The following METAP2 variants were observed in gnomAD, a reference collection of about 807,000 sequenced individuals.
METAP2 encodes methionine aminopeptidase 2.
Under a neutral mutation model 59.4 loss-of-function variants are expected in METAP2, and 25 were observed. The ratio of observed to expected loss-of-function variants is 0.42; its 90% CI spans 0.31 to 0.59. The LOEUF is 0.59. Ranked by LOEUF, METAP2 falls within the 20% of genes least tolerant of loss-of-function variation. The pLI is 0.16. For synonymous variants in METAP2, 214 were observed against 194.1 expected, an observed-to-expected ratio of 1.10 and a Z score of -0.85; for missense variants, 366 against 581.2, an observed-to-expected ratio of 0.63 and a Z score of 3.81.
chr12:95,487,723 G>A (rs972861307), intron 4 of METAP2, among the ~76,000 whole-genome samples: 3 of 151,466 alleles, frequency 2.0e-5, no homozygotes, highest in African/African-American at 7.3e-5. Context: ...GTAAGGGAAT[G>A]TTTGATCATT....
At chr12:95,492,496 G>C (rs1001461848) in intron 4 of METAP2, among the ~76,000 whole-genome samples, 1 of 151,582 alleles carries the variant, frequency 6.6e-6, no homozygotes. Flanking sequence ...ATCTGAACTC[G>C]AGACTTTGAG....
chr12:95,477,824 A>G (rs1360158148), intron 2 of METAP2, among the ~76,000 whole-genome samples: 2 of 152,214 alleles, frequency 1.3e-5, no homozygotes, highest in Non-Finnish European at 2.9e-5. Flanking sequence ...ATTTGGTGGA[A>G]AAAAGTGCCA....
chr12:95,513,517 A>G (rs568670380), intron 10 of METAP2, 135 bp from the exon 11 acceptor site: 4 of 968,340 alleles, frequency 4.1e-6, no homozygotes, highest in African/African-American at 1.6e-5. Context: ...CTGGCTTTTG[A>G]TTGTTGAAAG....
At chr12:95,483,128 T>G in intron 2 of METAP2, 87 bp from the exon 3 acceptor site, 1 of 950,366 alleles carries the variant, frequency 1.1e-6, no homozygotes. Flanking sequence ...ATTTATTGAA[T>G]AGAGCAAATA....
At chr12:95,511,869 T>G (rs1383778425) in intron 8 of METAP2, 26 bp from the exon 9 acceptor site, 1 of 1,535,692 alleles carries the variant, frequency 6.5e-7, no homozygotes, top group Admixed American at 1.7e-5. Context: ...CCTGAATGAC[T>G]TTTATTTCCC....
intron 2 of METAP2, among the ~76,000 whole-genome samples, chr12:95,478,380 C>T (rs1266918910): frequency 6.6e-6 from 1 of 152,138 alleles, no homozygotes; most frequent in Admixed American, 6.5e-5. Flanking sequence ...CCTGTAATCC[C>T]AGCATTTTGG....
chr12:95,506,843 C>T (rs1459123466), intron 8 of METAP2, among the ~76,000 whole-genome samples: 1 of 130,018 alleles, frequency 7.7e-6, no homozygotes, highest in East Asian at 2.2e-4. Flanking sequence ...CAGAGTCTTA[C>T]TCGTTCTGTC....
At position 95,474,246 on chromosome 12, in the gene METAP2, A is replaced by C. The variant is rs765862206; in HGVS notation, c.67A>C (p.Arg23=). ...GAATGGCGACCTGGATCCAGACGACAGGGAAGAAGGAGCTGCCTCTACGGC... is the reference window on the plus strand; with the variant it reads ...GAATGGCGACCTGGATCCAGACGACCGGGAAGAAGGAGCTGCCTCTACGGC... ...HLNGDLDPDD[R]EEGAASTAEE... Residue 23 remains arginine (R), a synonymous_variant, in exon 1 of 11, where the codon AGG becomes CGG. Transcript: ENST00000323666. The C allele has an allele frequency of 3.1e-6, 5 of 1,614,264 alleles. No homozygotes were observed. In the East Asian group the frequency reaches 1.1e-4, roughly 36 times the overall value.
At chr12:95,512,950 A>G (rs2076414413) in intron 10 of METAP2, 34 bp downstream of exon 10, 1 of 1,227,370 alleles carries the variant, frequency 8.1e-7, no homozygotes, top group African/African-American at 1.5e-5. Context: ...TATGTGGCTA[A>G]TTAGCATCTC....
chr12:95,489,729 T>C (rs547357874), intron 4 of METAP2, among the ~76,000 whole-genome samples: 2 of 152,346 alleles, frequency 1.3e-5, no homozygotes, highest in East Asian at 1.9e-4. Flanking sequence ...TCCCAGCTAC[T>C]TGGGAGGCTG....
intron 3 of METAP2, among the ~76,000 whole-genome samples, chr12:95,484,273 A>G (rs2076180047): frequency 6.6e-6 from 1 of 152,016 alleles, no homozygotes; most frequent in Admixed American, 6.6e-5. Flanking sequence ...GGCGTCCATC[A>G]TTACTAGATC....
intron 8 of METAP2, among the ~76,000 whole-genome samples, chr12:95,506,728 G>A (rs779166601): frequency 2.0e-5 from 3 of 151,920 alleles, no homozygotes. Flanking sequence ...TAACTTCTTT[G>A]TTATTTGATT....
chr12:95,501,937 A>T (rs2076319296), intron 7 of METAP2, among the ~76,000 whole-genome samples: 1 of 151,464 alleles, frequency 6.6e-6, no homozygotes, highest in African/African-American at 2.4e-5. Flanking sequence ...AGTAGTAATG[A>T]ACTCCATCAG....
chr12:95,512,740 A>G, intron 9 of METAP2, 61 bp from the exon 10 acceptor site: 1 of 872,532 alleles, frequency 1.1e-6, no homozygotes, highest in Non-Finnish European at 1.9e-6. Flanking sequence ...GAGAGATGGT[A>G]ATTGTGATTC....
intron 3 of METAP2, chr12:95,484,813 A>C (rs1423541516): frequency 2.2e-6 from 1 of 446,138 alleles, no homozygotes; most frequent in Admixed American, 2.4e-5. Context: ...ATTTTTTTTT[A>C]ATGTTGGCTA....
intron 2 of METAP2, among the ~76,000 whole-genome samples, chr12:95,476,530 GA>G (rs1257140758): frequency 3.3e-5 from 5 of 151,632 alleles, no homozygotes; most frequent in Admixed American, 2.0e-4. Flanking sequence ...AAGAAAGAAA[GA>G]AAGAAAGAAA....
chr12:95,511,977 AG>A lies in METAP2; in HGVS notation c.1051del (p.Glu351ArgfsTer34). On this transcript the variant is annotated frameshift_variant, in exon 9 of 11. Transcript: ENST00000323666. LOFTEE classifies it high-confidence loss of function. Reference sequence around the variant, plus strand: ...GAAAAACAGTGCCGATTGTGAAAGGAGGGGAGGCAACAAGAATGGAGGTATG... The same window carrying A: ...GAAAAACAGTGCCGATTGTGAAAGGAGGGAGGCAACAAGAATGGAGGTATG... ...AGKTVPIVKG[G>X]EATRMEEGEV... The A allele has an allele frequency of 6.2e-7, 1 of 1,612,608 alleles. No homozygotes were observed. Among genetic ancestry groups the A allele is most frequent in the Non-Finnish European group, 8.5e-7 (1 of 1,178,846 alleles).
intron 8 of METAP2, among the ~76,000 whole-genome samples, chr12:95,504,557 T>G (rs2076343520): frequency 1.3e-5 from 2 of 152,226 alleles, no homozygotes; most frequent in South Asian, 4.1e-4. Context: ...AGCGCAGTGG[T>G]GCAACCAGAG....
intron 3 of METAP2, 195 bp downstream of exon 3, chr12:95,483,475 C>CAAAAAAAAAAAAAAAA (rs141083015): frequency 1.5e-5 from 1 of 65,748 alleles, no homozygotes; most frequent in Non-Finnish European, 2.9e-5. Context: ...GACTCTGTCT[C>CAAAAAAAAAAAAAAAA]AAAAAAAAAA....
Sources: gnomAD v4.1 joint callset for allele counts (sites outside exome capture counted in the v4.1 genomes callset) on GRCh38, gnomAD v4.1.1 for gene constraint, MANE v1.5 for transcripts, NCBI Gene and HGNC (gene_info 2026-07-23, HGNC 2026-07-21) for gene names.